Variants in NRXN3 observed in about 807,000 individuals in gnomAD.
NRXN3 encodes the protein neurexin 3.
In NRXN3, 32 loss-of-function variants were observed where a neutral mutation model predicts 137.6. That is an observed-to-expected ratio of 0.23 (90% CI 0.18 to 0.31). The LOEUF is 0.31. Among genes scored for constraint, NRXN3 ranks in the 10% least tolerant of loss-of-function variants. The probability of loss-of-function intolerance (pLI) is 1.00; values close to 1 mark genes in which losing one functional copy is unlikely to be tolerated. For missense variants in NRXN3, 1,574 were observed against 2,062.5 expected (o/e 0.76, Z 4.59); for synonymous variants, 798 against 784.5 (o/e 1.02, Z -0.29).
intron 6 of NRXN3, among the ~76,000 whole-genome samples, chr14:78,705,806 TATAA>T (rs1356393385): frequency 1.3e-5 from 2 of 152,176 alleles, no homozygotes; most frequent in Admixed American, 1.3e-4. Flanking sequence ...GAAAACTCCA[TATAA>T]ATAGACAGGT....
At chr14:79,588,554 A>G (rs183108913) in intron 16 of NRXN3, among the ~76,000 whole-genome samples, 261 of 152,266 alleles carry the variant, frequency 1.7e-3, no homozygotes, top group African/African-American at 6.0e-3. Flanking sequence ...TTGCTCTTCA[A>G]TTGTTCTTGA....
intron 20 of NRXN3, among the ~76,000 whole-genome samples, chr14:79,827,734 G>A (rs1051981787): frequency 4.3e-5 from 6 of 140,778 alleles, no homozygotes; most frequent in South Asian, 4.4e-4. Flanking sequence ...CACTCTTGTC[G>A]CCCAGGCTGG....
intron 15 of NRXN3, among the ~76,000 whole-genome samples, chr14:79,351,012 T>TC (rs1179057561): frequency 6.6e-6 from 1 of 152,126 alleles, no homozygotes; most frequent in Non-Finnish European, 1.5e-5. Flanking sequence ...TTAAATGACT[T>TC]CCCCAGAGAC....
chr14:79,688,440 G>A (rs979982738), intron 17 of NRXN3, among the ~76,000 whole-genome samples: 1 of 152,142 alleles, frequency 6.6e-6, no homozygotes, highest in Non-Finnish European at 1.5e-5. Context: ...CCAATAAAGT[G>A]TAAGCGCAGT....
At position 79,839,271 on chromosome 14, in the gene NRXN3, C is replaced by T. The variant is rs142181576; in HGVS notation, c.4094-22071C>T. 1.8e-3 allele frequency among the ~76,000 whole-genome samples: 273 copies of T among 152,066 alleles called. 1 individual carries two copies. Among genetic ancestry groups the T allele is most frequent in the African/African-American group, 2.5e-3 (102 of 41,492 alleles). ...GGTCTGGTTGGCTGAGGCCTAGGGC[C>T]GGAGTCTAGTCTAAAACAATGGCCT... On this transcript the variant is annotated intron_variant, in intron 20 of 20. Transcript: ENST00000335750.
intron 14 of NRXN3, among the ~76,000 whole-genome samples, chr14:78,974,083 C>G (rs1006281732): frequency 6.6e-6 from 1 of 152,006 alleles, no homozygotes; most frequent in Non-Finnish European, 1.5e-5. Flanking sequence ...AGAATATACA[C>G]TAGTTAGGAC....
At chr14:79,491,842 A>C (rs74070211) in intron 16 of NRXN3, among the ~76,000 whole-genome samples, 2 of 152,262 alleles carry the variant, frequency 1.3e-5, no homozygotes, top group Non-Finnish European at 1.5e-5. Context: ...ATTAAGAAGA[A>C]TCTTCTTCTG....
chr14:78,381,201 A>G (rs1394610943), intron 4 of NRXN3, among the ~76,000 whole-genome samples: 1 of 152,208 alleles, frequency 6.6e-6, no homozygotes, highest in Non-Finnish European at 1.5e-5. Context: ...TTTGAAAAAC[A>G]TAGGAGTTTT....
chr14:79,653,294 A>T (rs2098485896), intron 16 of NRXN3, among the ~76,000 whole-genome samples: 1 of 152,166 alleles, frequency 6.6e-6, no homozygotes, highest in Non-Finnish European at 1.5e-5. Context: ...TGAGATATTC[A>T]TTGGGCTGCA....
At chr14:79,125,958 A>G (rs1019967412) in intron 15 of NRXN3, among the ~76,000 whole-genome samples, 2 of 151,962 alleles carry the variant, frequency 1.3e-5, no homozygotes, top group African/African-American at 4.8e-5. Context: ...CTTTGTTCTC[A>G]TTATTAACAG....
chr14:78,310,386 G>C (rs2077842472), intron 4 of NRXN3, among the ~76,000 whole-genome samples: 1 of 151,494 alleles, frequency 6.6e-6, no homozygotes, highest in African/African-American at 2.4e-5. Flanking sequence ...GCAGTGCACA[G>C]CTGAGGACTT....
At chr14:78,418,472 G>A (rs768176445) in intron 4 of NRXN3, among the ~76,000 whole-genome samples, 9 of 152,138 alleles carry the variant, frequency 5.9e-5, no homozygotes, top group Non-Finnish European at 8.8e-5. Context: ...AGGTTCATAA[G>A]CTCCTAGAAA....
At chr14:79,640,497 C>A (rs1352670085) in intron 16 of NRXN3, among the ~76,000 whole-genome samples, 1 of 135,894 alleles carries the variant, frequency 7.4e-6, no homozygotes, top group South Asian at 2.3e-4. Context: ...TTCTTATCAT[C>A]TTGATGCTGT....
At chr14:78,209,380 T>C (rs2062523744) in intron 1 of NRXN3, among the ~76,000 whole-genome samples, 1 of 152,152 alleles carries the variant, frequency 6.6e-6, no homozygotes, top group African/African-American at 2.4e-5. Flanking sequence ...GCCGGTGCGA[T>C]TACCTCGTCC....
At chr14:79,184,550 A>G (rs541779998) in intron 15 of NRXN3, among the ~76,000 whole-genome samples, 1 of 152,288 alleles carries the variant, frequency 6.6e-6, no homozygotes, top group East Asian at 1.9e-4. Flanking sequence ...CTCGTCACAG[A>G]CATTCATTTA....
intron 10 of NRXN3, among the ~76,000 whole-genome samples, chr14:78,860,763 C>A (rs1353122314): frequency 6.6e-6 from 1 of 152,020 alleles, no homozygotes; most frequent in Non-Finnish European, 1.5e-5. Flanking sequence ...TCATAAAGGT[C>A]TTCATCATCA....
intron 1 of NRXN3, among the ~76,000 whole-genome samples, chr14:78,188,056 A>G (rs2060391623): frequency 6.6e-6 from 1 of 152,202 alleles, no homozygotes; most frequent in South Asian, 2.1e-4. Flanking sequence ...ATACTCCTGC[A>G]CAGCTAATAT....
intron 8 of NRXN3, among the ~76,000 whole-genome samples, chr14:78,725,888 C>T (rs956731386): frequency 2.6e-5 from 4 of 152,162 alleles, no homozygotes; most frequent in African/African-American, 9.7e-5. Flanking sequence ...CTTATTTAAT[C>T]TTTGCAATAA....
At chr14:79,394,381 C>T (rs924729255) in intron 15 of NRXN3, among the ~76,000 whole-genome samples, 2 of 152,208 alleles carry the variant, frequency 1.3e-5, no homozygotes, top group Admixed American at 6.5e-5. Context: ...ACACTTCTTA[C>T]ATTGGTTTTT....
Sources: gnomAD v4.1 joint callset for allele counts (sites outside exome capture counted in the v4.1 genomes callset) on GRCh38, gnomAD v4.1.1 for gene constraint, MANE v1.5 for transcripts, NCBI Gene and HGNC (gene_info 2026-07-23, HGNC 2026-07-21) for gene names.